CFAP61: variants seen among roughly 807,000 people sequenced by gnomAD.
The protein encoded by CFAP61 is cilia and flagella associated protein 61, also known as cilia- and flagella-associated protein 61.
In CFAP61, 107 loss-of-function variants were observed where a neutral mutation model predicts 135.6. That is an observed-to-expected ratio of 0.79 (90% CI 0.67 to 0.93). The LOEUF (loss-of-function observed/expected upper bound fraction) is 0.93, where lower values mean the gene tolerates loss of function less well. CFAP61 is among the 40% of genes least tolerant of loss of function. The pLI, the probability that CFAP61 is intolerant of heterozygous loss-of-function variation, is 0.00. For missense variants in CFAP61, 1,507 were observed against 1,556.2 expected (o/e 0.97, Z 0.53); for synonymous variants, 575 against 578.5 (o/e 0.99, Z 0.09).
At chr20:20,154,860 T>C (rs955306611) in intron 9 of CFAP61, among the ~76,000 whole-genome samples, 1 of 152,104 alleles carries the variant, frequency 6.6e-6, no homozygotes, top group African/African-American at 2.4e-5. Flanking sequence ...AAAAGCAATC[T>C]ACAGATTCAA....
At chr20:20,279,528 C>T (rs1034988054) in intron 22 of CFAP61, among the ~76,000 whole-genome samples, 1 of 151,978 alleles carries the variant, frequency 6.6e-6, no homozygotes, top group Non-Finnish European at 1.5e-5. Flanking sequence ...GATCTTCGTC[C>T]TCATTGTCTT....
At chr20:20,200,193 C>T (rs896474059) in intron 17 of CFAP61, among the ~76,000 whole-genome samples, 3 of 152,380 alleles carry the variant, frequency 2.0e-5, no homozygotes, top group African/African-American at 7.2e-5. Context: ...CATCCTCCAG[C>T]ATATTTTCAT....
chr20:20,317,576 G>A (rs1462140714), intron 25 of CFAP61, among the ~76,000 whole-genome samples: 2 of 152,148 alleles, frequency 1.3e-5, no homozygotes, highest in African/African-American at 4.8e-5. Context: ...ACTCTATCTA[G>A]TAATTTGGGG....
At chr20:20,263,346 TTTAA>T (rs750082281) in intron 21 of CFAP61, among the ~76,000 whole-genome samples, 5 of 152,254 alleles carry the variant, frequency 3.3e-5, no homozygotes, top group Non-Finnish European at 2.9e-5. Flanking sequence ...CTTGAGATAG[TTTAA>T]TTATCTATAA....
chr20:20,296,338 T>TCCTTCCCTCCTTCCTTCCCTTCCTC (rs1569260814), intron 24 of CFAP61, among the ~76,000 whole-genome samples: 1 of 100,942 alleles, frequency 9.9e-6, no homozygotes, highest in Admixed American at 1.0e-4. Flanking sequence ...CTTCCTTCCT[T>TCCTTCCCTCCTTCCTTCCCTTCCTC]CCTTGCTTCC....
At chr20:20,355,515 AGGT>A (rs767670105) in intron 26 of CFAP61, among the ~76,000 whole-genome samples, 1 of 73,682 alleles carries the variant, frequency 1.4e-5, no homozygotes, top group Non-Finnish European at 2.6e-5. Context: ...CTGTGAGGGG[AGGT>A]GGTCACACTG....
chr20:20,104,043 C>G (rs1392374879), intron 8 of CFAP61, among the ~76,000 whole-genome samples: 2 of 152,184 alleles, frequency 1.3e-5, no homozygotes, highest in Non-Finnish European at 2.9e-5. Flanking sequence ...GCCCACCTTA[C>G]AAAGTCTCTG....
At chr20:20,099,354 T>C (rs528017905) in intron 8 of CFAP61, among the ~76,000 whole-genome samples, 18 of 152,334 alleles carry the variant, frequency 1.2e-4, no homozygotes, top group South Asian at 8.3e-4. Flanking sequence ...TTTTAAAATA[T>C]TGTCTGTATC....
chr20:20,142,752 G>A (rs939623585), intron 8 of CFAP61, 105 bp from the exon 9 acceptor site: 5 of 684,712 alleles, frequency 7.3e-6, no homozygotes, highest in Admixed American at 5.0e-5. Context: ...AAATTCTTTA[G>A]ATCCATTGTA....
chr20:20,269,075 T>G (rs958977667), intron 21 of CFAP61, among the ~76,000 whole-genome samples: 34 of 148,018 alleles, frequency 2.3e-4, no homozygotes, highest in African/African-American at 7.7e-4. Context: ...ATGCTTTGGC[T>G]TCTAAAAAGT....
chr20:20,321,579 A>T (rs2057517869), intron 25 of CFAP61, among the ~76,000 whole-genome samples: 1 of 152,202 alleles, frequency 6.6e-6, no homozygotes, highest in African/African-American at 2.4e-5. Context: ...AAGGAACCAC[A>T]GCAGGACAGA....
intron 24 of CFAP61, among the ~76,000 whole-genome samples, chr20:20,294,937 A>AAATAATAATAATAAT (rs11474551): frequency 4.8e-4 from 68 of 142,904 alleles, no homozygotes; most frequent in African/African-American, 1.4e-3. Context: ...TCCGTCTCAA[A>AAATAATAATAATAAT]AATAATAATA....
intron 21 of CFAP61, among the ~76,000 whole-genome samples, chr20:20,270,952 G>A (rs1195402303): frequency 2.0e-5 from 3 of 152,178 alleles, no homozygotes; most frequent in Admixed American, 6.5e-5. Flanking sequence ...GATTAGAGGC[G>A]TGAGCCACCG....
chr20:20,263,713 T>C (rs1474665883), intron 21 of CFAP61, among the ~76,000 whole-genome samples: 3 of 152,344 alleles, frequency 2.0e-5, no homozygotes, highest in East Asian at 1.9e-4. Flanking sequence ...TTGAATTTCA[T>C]TGAAATCATT....
chr20:20,231,119 T>C (rs932643278), intron 18 of CFAP61, among the ~76,000 whole-genome samples: 3 of 152,258 alleles, frequency 2.0e-5, no homozygotes, highest in African/African-American at 7.2e-5. Context: ...GAGGTGCTAC[T>C]GGGAGAGCTG....
intron 25 of CFAP61, among the ~76,000 whole-genome samples, chr20:20,338,471 A>C (rs1325891952): frequency 6.6e-6 from 1 of 151,988 alleles, no homozygotes; most frequent in African/African-American, 2.4e-5. Context: ...AATCTTGGAA[A>C]AAGTGATATG....
intron 2 of CFAP61, among the ~76,000 whole-genome samples, chr20:20,066,950 G>T (rs1395022020): frequency 3.3e-5 from 5 of 152,130 alleles, no homozygotes; most frequent in Non-Finnish European, 4.4e-5. Context: ...TGTAAACATT[G>T]ACTTCTGTGT....
chr20:20,356,265 A>C (rs62200217), intron 26 of CFAP61, among the ~76,000 whole-genome samples: 1 of 60,670 alleles, frequency 1.6e-5, no homozygotes, highest in Admixed American at 1.6e-4. Flanking sequence ...GAGTGGAGGT[A>C]GTCACACTGT....
chr20:20,061,505 T>C (rs544335845), intron 2 of CFAP61, among the ~76,000 whole-genome samples: 1 of 152,074 alleles, frequency 6.6e-6, no homozygotes, highest in Non-Finnish European at 1.5e-5. Context: ...TCACCCAAAA[T>C]AAGGGCTAGT....
Sources: allele counts gnomAD v4.1 joint callset (sites outside exome capture counted in the v4.1 genomes callset), GRCh38; gene constraint gnomAD v4.1.1; transcripts MANE v1.5; gene names NCBI Gene and HGNC (gene_info 2026-07-23, HGNC 2026-07-21).